SLC22A11: variants seen among roughly 807,000 people sequenced by gnomAD.
The protein encoded by SLC22A11 is organic anion transporter 4.
SLC22A11 carries 42 observed loss-of-function variants against 49.4 expected under a neutral mutation model. The ratio of observed to expected loss-of-function variants is 0.85; its 90% CI spans 0.66 to 1.10. SLC22A11 has a LOEUF of 1.10. Ranked by LOEUF, SLC22A11 falls within the 50% of genes least tolerant of loss-of-function variation. The probability of loss-of-function intolerance (pLI) is 0.00; values close to 1 mark genes in which losing one functional copy is unlikely to be tolerated. For synonymous variants in SLC22A11, 304 were observed against 315.8 expected (o/e 0.96, Z 0.40); for missense variants, 685 against 731.6 (o/e 0.94, Z 0.74).
chr11:64,563,883 T>C (rs2038585173), intron 4 of SLC22A11, among the ~76,000 whole-genome samples: 1 of 150,544 alleles, frequency 6.6e-6, no homozygotes. Flanking sequence ...ACCACTACAC[T>C]CCAGCCTGGG....
chr11:64,559,064 C>A (rs1265151414), intron 1 of SLC22A11, 71 bp from the exon 2 acceptor site: 5 of 1,333,244 alleles, frequency 3.8e-6, no homozygotes, highest in Admixed American at 1.7e-5. Context: ...GTGGGTCAGG[C>A]GTTCCTCGGC....
intron 2 of SLC22A11, 23 bp from the exon 3 acceptor site, chr11:64,561,981 C>T (rs373056575): frequency 1.3e-4 from 204 of 1,601,170 alleles, no homozygotes; most frequent in Non-Finnish European, 1.6e-4. Context: ...CTCCAGGCCC[C>T]GTGTGCTTCT....
chr11:64,555,955 A>G lies in SLC22A11; in HGVS notation c.-45A>G. Reference sequence around the variant, plus strand: ...ATCTTGTGGCTGCAATCGGTTCCAAACAGCAGTTAGGTCAGCAGTCCGCTC... The same window carrying G: ...ATCTTGTGGCTGCAATCGGTTCCAAGCAGCAGTTAGGTCAGCAGTCCGCTC... On this transcript the variant is annotated 5_prime_UTR_variant, in exon 1 of 10. Coordinates refer to ENST00000301891, the MANE Select transcript of SLC22A11 (RefSeq NM_018484.4). 1 of 1,542,564 alleles carries G rather than the reference A, an allele frequency of 6.5e-7. No individual in the cohort carries two copies. Among genetic ancestry groups the G allele is most frequent in the South Asian group, 1.2e-5 (1 of 82,292 alleles).
intron 2 of SLC22A11, among the ~76,000 whole-genome samples, chr11:64,560,133 G>A (rs538404405): frequency 9.4e-5 from 14 of 148,930 alleles, no homozygotes; most frequent in South Asian, 2.1e-4. Flanking sequence ...ACCCTTCTGC[G>A]CCTGCGCTGT....
At chr11:64,567,927 T>G in intron 7 of SLC22A11, 114 bp downstream of exon 7, 3 of 1,133,246 alleles carry the variant, frequency 2.6e-6, no homozygotes, top group Non-Finnish European at 3.7e-6. Flanking sequence ...CCCTGTTTTC[T>G]TTCTGAATGA....
At chr11:64,570,878 T>C (rs187630946) in intron 9 of SLC22A11, 101 bp from the exon 10 acceptor site, 3 of 1,119,646 alleles carry the variant, frequency 2.7e-6, no homozygotes, top group Admixed American at 3.5e-5. Flanking sequence ...CCTAATGCCA[T>C]AGAGTTTACC....
At chr11:64,556,480 T>C in intron 1 of SLC22A11, 88 bp downstream of exon 1, 1 of 1,529,698 alleles carries the variant, frequency 6.5e-7, no homozygotes, top group Non-Finnish European at 8.8e-7. Flanking sequence ...GGTCCAGTCC[T>C]GGGAGGGACC....
chr11:64,570,391 T>A (rs1235725513), intron 9 of SLC22A11, among the ~76,000 whole-genome samples: 9 of 152,208 alleles, frequency 5.9e-5, no homozygotes, highest in African/African-American at 2.2e-4. Context: ...CAGAACCACT[T>A]CTGTGGGCTT....
In SLC22A11 at chr11:64,556,334, C is replaced by T. The variant is rs374708371; in HGVS notation, c.335C>T (p.Pro112Leu). 106 of 1,613,174 alleles carry T rather than the reference C, an allele frequency of 6.6e-5. No homozygotes were observed. Among genetic ancestry groups the T allele is most frequent in the Non-Finnish European group, 8.5e-5 (100 of 1,180,034 alleles). The change falls in exon 1 of 10, where the codon CCG (proline) becomes CTG (leucine). Residue 112 changes from proline to leucine, a missense_variant. By Grantham distance (98) the Pro-to-Leu change is moderately conservative. Transcript: ENST00000301891. ...ATSWSEADTE[P>L]CVDGWVYDRS... The stretch of plus-strand genomic sequence containing the variant: ...AGCTGGAGCGAAGCTGACACGGAGC[C>T]GTGTGTGGACGGCTGGGTCTATGAC...
In SLC22A11 at chr11:64,568,795, G is replaced by A. The variant is rs1254976199; in HGVS notation, c.1382+17G>A. 6.2e-7 allele frequency: 1 copy of A among 1,607,164 alleles called. No homozygotes were observed. The highest frequency in any genetic ancestry group is 8.5e-7 in the Non-Finnish European group (1 of 1,174,022). ...GCCAGTGCGGTAAGCTGGGCTGCAG[G>A]CCATGCCCCAGGGCCAGCAGGGCCG... On this transcript the variant is annotated intron_variant, in intron 8 of 9. Coordinates refer to ENST00000301891, the MANE Select transcript of SLC22A11 (RefSeq NM_018484.4).
intron 2 of SLC22A11, among the ~76,000 whole-genome samples, chr11:64,560,928 C>T (rs1377007277): frequency 6.6e-6 from 1 of 152,198 alleles, no homozygotes; most frequent in Non-Finnish European, 1.5e-5. Flanking sequence ...GATCTCTTCC[C>T]TTCTCTGGAG....
At chr11:64,569,502 G>A in intron 8 of SLC22A11, 150 bp from the exon 9 acceptor site, 4 of 752,440 alleles carry the variant, frequency 5.3e-6, no homozygotes, top group Non-Finnish European at 4.3e-6. Flanking sequence ...ATCTGGGTGG[G>A]CTCCGTGGAG....
chr11:64,568,568 G>C, intron 7 of SLC22A11, 102 bp from the exon 8 acceptor site: 2 of 933,978 alleles, frequency 2.1e-6, no homozygotes, highest in Non-Finnish European at 3.5e-6. Context: ...GACTTGTAGG[G>C]AGCCCAGGGT....
intron 1 of SLC22A11, 125 bp downstream of exon 1, chr11:64,556,517 T>G (rs2038462413): frequency 1.4e-6 from 2 of 1,421,096 alleles, no homozygotes; most frequent in Admixed American, 2.1e-5. Context: ...TCTCAGCCCC[T>G]CGTCAGCCAC....
intron 6 of SLC22A11, among the ~76,000 whole-genome samples, chr11:64,567,226 GCA>G (rs1342345900): frequency 6.6e-6 from 1 of 152,228 alleles, no homozygotes; most frequent in Non-Finnish European, 1.5e-5. Context: ...CAAGAGAAAG[GCA>G]CAGTGTGACT....
In SLC22A11 at chr11:64,565,570, GA is replaced by G; in HGVS notation, c.1058+237del. Reference sequence around the variant, plus strand: ...GGCTGCCATCTGCAGGAAGCCAGAGGAAAAGGCAGCTCTAGGCTGGGGGTCC... The same window carrying G: ...GGCTGCCATCTGCAGGAAGCCAGAGGAAAGGCAGCTCTAGGCTGGGGGTCC... On this transcript the variant is annotated intron_variant, in intron 6 of 9. Transcript: ENST00000301891. This position sits in a 1 kb window ranked among gnomAD's most constrained non-coding sequence, Gnocchi z 4.1. 1.6e-6 allele frequency: 1 copy of G among 610,192 alleles called. No homozygotes were observed. 37.8% of individuals were successfully genotyped at this position (610,192 alleles called of 1,614,324 possible). A position where few individuals can be genotyped will look rare whatever the true frequency, so the allele number is the denominator to read the frequency against.
intron 1 of SLC22A11, among the ~76,000 whole-genome samples, chr11:64,557,778 C>T (rs1462014616): frequency 1.3e-5 from 2 of 150,448 alleles, no homozygotes; most frequent in Non-Finnish European, 1.5e-5. Flanking sequence ...ACTATAGGCA[C>T]ATACCACCAT....
chr11:64,563,025 T>A (rs2038572337), intron 4 of SLC22A11, among the ~76,000 whole-genome samples: 1 of 151,878 alleles, frequency 6.6e-6, no homozygotes, highest in African/African-American at 2.4e-5. Flanking sequence ...ATCCCTAAGG[T>A]CTGGAAATCC....
chr11:64,564,007 C>A lies in SLC22A11; in HGVS notation c.822-301C>A, dbSNP rs748666216. Among the ~76,000 whole-genome samples, 21 of 152,142 alleles carry A rather than the reference C, an allele frequency of 1.4e-4. No homozygotes were observed. The highest frequency in any genetic ancestry group is 2.5e-4 in the Non-Finnish European group (17 of 68,014). ...GGTGAAGCAGCCAACTCTAGGGACA[C>A]CCATGCCCAGGCCACCTGTGCCCTG... On this transcript the variant is annotated intron_variant, in intron 4 of 9. Coordinates refer to ENST00000301891, the MANE Select transcript of SLC22A11 (RefSeq NM_018484.4). The surrounding 1 kb of genome is among the most constrained non-coding windows in gnomAD (Gnocchi z 4.2).
Sources: gnomAD v4.1 joint callset for allele counts (sites outside exome capture counted in the v4.1 genomes callset) on GRCh38, gnomAD v4.1.1 for gene constraint, Gnocchi (gnomAD v3.1) non-coding constraint, MANE v1.5 for transcripts, NCBI Gene and HGNC (gene_info 2026-07-23, HGNC 2026-07-21) for gene names.